SEMA3C: variants seen among roughly 807,000 people sequenced by gnomAD.
SEMA3C encodes the protein semaphorin 3C.
In SEMA3C, 47 loss-of-function variants were observed where a neutral mutation model predicts 89.4. That is an observed-to-expected ratio of 0.53 (90% CI 0.42 to 0.67). The LOEUF (loss-of-function observed/expected upper bound fraction) is 0.67, where lower values mean the gene tolerates loss of function less well. Among genes scored for constraint, SEMA3C ranks in the 30% least tolerant of loss-of-function variants. The pLI, the probability that SEMA3C is intolerant of heterozygous loss-of-function variation, is 0.00. For missense variants in SEMA3C, 839 were observed against 929.1 expected, an observed-to-expected ratio of 0.90 and a Z score of 1.26; for synonymous variants, 310 against 320.2, an observed-to-expected ratio of 0.97 and a Z score of 0.34.
At chr7:80,899,838 T>A (rs932314159) in intron 2 of SEMA3C, among the ~76,000 whole-genome samples, 1 of 152,226 alleles carries the variant, frequency 6.6e-6, no homozygotes, top group African/African-American at 2.4e-5. Flanking sequence ...ACCAAGACTA[T>A]CCTTTTCTAG....
chr7:80,917,311 T>C (rs970023823), intron 1 of SEMA3C, among the ~76,000 whole-genome samples: 1 of 152,216 alleles, frequency 6.6e-6, no homozygotes, highest in Non-Finnish European at 1.5e-5. Context: ...TCTCTGGAAG[T>C]GGTGTTTCCT....
At chr7:80,919,112 G>C (rs553673454), upstream of SEMA3C, 240 of 984,932 alleles carry the variant, frequency 2.4e-4, 1 homozygote, top group African/African-American at 3.8e-3. Context: ...CAGCGCCGCG[G>C]CGCGCGGCTC....
chr7:80,757,016 G>T lies in SEMA3C; in HGVS notation c.1643+1315C>A, dbSNP rs141722228. Among the ~76,000 whole-genome samples, 3 of 152,164 alleles carry T rather than the reference G, an allele frequency of 2.0e-5. No individual in the cohort carries two copies. The East Asian group carries it at 5.8e-4, about 29-fold the overall frequency. On this transcript the variant is annotated intron_variant, in intron 15 of 17. Transcript: ENST00000265361. ...TGTCTTTTTTCCTGTTATATGCCTA[G>T]CTTCTAAAACAATGCCTGGAAAATA... is the stretch of plus-strand genomic sequence containing the variant.
intron 2 of SEMA3C, among the ~76,000 whole-genome samples, chr7:80,895,229 A>G (rs1478734277): frequency 1.3e-5 from 2 of 152,230 alleles, no homozygotes; most frequent in Non-Finnish European, 2.9e-5. Flanking sequence ...TTAAAGTAAC[A>G]AACCAAGGAG....
At chr7:80,768,638 A>G (rs1390484709) in intron 12 of SEMA3C, among the ~76,000 whole-genome samples, 1 of 152,218 alleles carries the variant, frequency 6.6e-6, no homozygotes, top group Non-Finnish European at 1.5e-5. Flanking sequence ...GAGACCTGTC[A>G]CAACTGAAAA....
chr7:80,821,986 G>A (rs755627197), intron 4 of SEMA3C, among the ~76,000 whole-genome samples: 3 of 152,106 alleles, frequency 2.0e-5, no homozygotes, highest in Non-Finnish European at 2.9e-5. Context: ...AAACAATTCA[G>A]CTGAGTTAAC....
At chr7:80,749,407 A>G (rs1251366894) in intron 16 of SEMA3C, among the ~76,000 whole-genome samples, 2 of 152,156 alleles carry the variant, frequency 1.3e-5, no homozygotes, top group East Asian at 3.8e-4. Context: ...GAGGAAATAC[A>G]CTTTAGTGAA....
intron 2 of SEMA3C, among the ~76,000 whole-genome samples, chr7:80,879,207 A>T (rs966618517): frequency 1.3e-5 from 2 of 150,098 alleles, no homozygotes; most frequent in East Asian, 3.9e-4. Flanking sequence ...AAGGATTATT[A>T]AAAAAAAAAT....
intron 12 of SEMA3C, among the ~76,000 whole-genome samples, chr7:80,765,885 A>G (rs374289438): frequency 1.2e-4 from 19 of 152,138 alleles, no homozygotes; most frequent in African/African-American, 4.6e-4. Context: ...CAGCCAATAC[A>G]TAAGTTTAAG....
chr7:80,830,718 T>C (rs1789990099), intron 2 of SEMA3C, among the ~76,000 whole-genome samples: 1 of 152,146 alleles, frequency 6.6e-6, no homozygotes, highest in Admixed American at 6.5e-5. Context: ...GTGCTGAGCA[T>C]GGTGCAGCCT....
At chr7:80,772,166 T>C (rs539690541) in intron 12 of SEMA3C, among the ~76,000 whole-genome samples, 1 of 152,288 alleles carries the variant, frequency 6.6e-6, no homozygotes, top group East Asian at 1.9e-4. Context: ...CAATTATTAA[T>C]TTCTATAATT....
intron 15 of SEMA3C, among the ~76,000 whole-genome samples, chr7:80,754,947 G>GTTTTTGTTTGT (rs1788021443): frequency 7.6e-5 from 1 of 13,136 alleles, no homozygotes; most frequent in Non-Finnish European, 3.0e-4. Context: ...CTGGCGAATT[G>GTTTTTGTTTGT]TTTTTTTTTG....
At chr7:80,915,515 G>A (rs1370450463) in intron 2 of SEMA3C, among the ~76,000 whole-genome samples, 5 of 152,024 alleles carry the variant, frequency 3.3e-5, no homozygotes, top group Admixed American at 1.3e-4. Flanking sequence ...AGGCGGAGGC[G>A]GGCAGATCAC....
intron 2 of SEMA3C, among the ~76,000 whole-genome samples, chr7:80,837,195 C>T (rs890609902): frequency 2.6e-5 from 4 of 152,140 alleles, no homozygotes; most frequent in African/African-American, 4.8e-5. Context: ...ATTTCACAAA[C>T]GTCGGATTAA....
At chr7:80,797,947 G>T in intron 11 of SEMA3C, 145 bp downstream of exon 11, 1 of 704,266 alleles carries the variant, frequency 1.4e-6, no homozygotes, top group Non-Finnish European at 2.2e-6. Flanking sequence ...GAGGTGAGCT[G>T]AGATTGCACC....
intron 2 of SEMA3C, among the ~76,000 whole-genome samples, chr7:80,897,709 G>A (rs1791773558): frequency 6.6e-6 from 1 of 152,128 alleles, no homozygotes; most frequent in African/African-American, 2.4e-5. Context: ...ACTGGCATAA[G>A]CAAACAAGTA....
intron 11 of SEMA3C, chr7:80,796,412 T>A (rs1168659540): frequency 1.3e-5 from 2 of 152,282 alleles, no homozygotes; most frequent in Non-Finnish European, 1.5e-5. Context: ...AGAGTCTCGC[T>A]TTGTCGCCCA....
intron 4 of SEMA3C, among the ~76,000 whole-genome samples, chr7:80,819,943 G>C (rs1789703855): frequency 6.6e-6 from 1 of 151,818 alleles, no homozygotes; most frequent in African/African-American, 2.4e-5. Flanking sequence ...ATTAGAGACA[G>C]CATTTTTATA....
chr7:80,919,478 G>T, upstream of SEMA3C: 1 of 692,968 alleles, frequency 1.4e-6, no homozygotes, highest in Non-Finnish European at 1.8e-6. Flanking sequence ...TTTTATTTTT[G>T]CCAGGGAAGG....
Sources: allele counts gnomAD v4.1 joint callset (sites outside exome capture counted in the v4.1 genomes callset), GRCh38; gene constraint gnomAD v4.1.1; transcripts MANE v1.5; gene names NCBI Gene and HGNC (gene_info 2026-07-23, HGNC 2026-07-21).